Variants in RNF212B observed in about 807,000 individuals in gnomAD.
The protein encoded by RNF212B is ring finger protein 212B.
A neutral mutation model predicts 55.5 loss-of-function variants in RNF212B; 52 were observed. That is an observed-to-expected ratio of 0.94 (90% CI 0.75 to 1.18). RNF212B has a LOEUF of 1.18. Ranked by LOEUF, RNF212B falls within the 50% of genes most tolerant of loss-of-function variation. RNF212B has a pLI of 0.00. For synonymous variants in RNF212B, 99 were observed against 121.4 expected, an observed-to-expected ratio of 0.82 and a Z score of 1.21; for missense variants, 289 against 350.4, an observed-to-expected ratio of 0.82 and a Z score of 1.40.
intron 2 of RNF212B, among the ~76,000 whole-genome samples, chr14:23,203,723 C>G (rs1879556965): frequency 6.6e-6 from 1 of 152,086 alleles, no homozygotes; most frequent in South Asian, 2.1e-4. Context: ...TGTGATCCAC[C>G]TGCCTTGGCC....
chr14:23,260,353 T>C (rs1291881933), intron 6 of RNF212B, among the ~76,000 whole-genome samples: 1 of 152,268 alleles, frequency 6.6e-6, no homozygotes, highest in Non-Finnish European at 1.5e-5. Flanking sequence ...CTATTGATCC[T>C]ACTCCTGTAA....
intron 2 of RNF212B, chr14:23,229,973 C>A: frequency 4.9e-6 from 1 of 203,986 alleles, no homozygotes; most frequent in Admixed American, 4.4e-5. Flanking sequence ...ATAGATCCAG[C>A]TTGAATCTTC....
chr14:23,261,817 T>C (rs112211676), intron 7 of RNF212B, among the ~76,000 whole-genome samples: 5,476 of 151,824 alleles, frequency 0.036, 302 homozygotes, highest in African/African-American at 0.12. Context: ...AAAACAAAAT[T>C]AGCCGGGCGT....
rs747903650 is a variant in RNF212B, at chr14:23,270,593, C to T, written c.773-7C>T. Reference sequence around the variant, plus strand: ...GTTATCTTTCACTGTTCCATTCTATCCTTCAGCTCAGAGGGAGAGCACAAC... The same window carrying T: ...GTTATCTTTCACTGTTCCATTCTATTCTTCAGCTCAGAGGGAGAGCACAAC... On this transcript the variant is annotated splice_region_variant and splice_polypyrimidine_tract_variant and intron_variant, in intron 13 of 14. Coordinates refer to ENST00000430154, the MANE Select transcript of RNF212B (RefSeq NM_001282322.3). 1 of 1,547,682 alleles carries T rather than the reference C, an allele frequency of 6.5e-7. No individual in the cohort carries two copies. The highest frequency in any genetic ancestry group is 1.2e-5 in the South Asian group (1 of 83,988).
At chr14:23,239,617 T>A (rs1883407997) in intron 1 of RNF212B, among the ~76,000 whole-genome samples, 1 of 152,028 alleles carries the variant, frequency 6.6e-6, no homozygotes, top group Admixed American at 6.6e-5. Context: ...TCTTTTTTCT[T>A]TTTCTTTTTC....
At position 23,260,674 on chromosome 14, in the gene RNF212B, T is replaced by C; in HGVS notation, c.421T>C (p.Tyr141His). 1 of 1,550,492 alleles carries C rather than the reference T, an allele frequency of 6.4e-7. No homozygotes were observed. The highest frequency in any genetic ancestry group is 2.0e-5 in the Admixed American group (1 of 50,992). Residue 141 changes from tyrosine to histidine, a missense_variant, in exon 7 of 15, where the codon TAC becomes CAC. Coordinates refer to ENST00000430154, the MANE Select transcript of RNF212B (RefSeq NM_001282322.3). Reference sequence around the variant, plus strand: ...TCACCTATAGGAATCTCCAAGTCGGTACCAAGGAAGCAGGTCAGTTTTATC... The same window carrying C: ...TCACCTATAGGAATCTCCAAGTCGGCACCAAGGAAGCAGGTCAGTTTTATC... ...LAILKESPSR[Y>H]QGSRSITPRP...
At chr14:23,232,747 G>A (rs1180533360) in intron 2 of RNF212B, among the ~76,000 whole-genome samples, 1 of 144,920 alleles carries the variant, frequency 6.9e-6, no homozygotes, top group Non-Finnish European at 1.5e-5. Flanking sequence ...GGGGGGGTCA[G>A]CCCCCACCCG....
chr14:23,218,641 GA>G (rs1881303164), intron 2 of RNF212B, among the ~76,000 whole-genome samples: 2 of 151,900 alleles, frequency 1.3e-5, no homozygotes, highest in Admixed American at 1.3e-4. Context: ...GGAGACGAAA[GA>G]AAATAAAAAA....
At chr14:23,223,323 C>T (rs1178335707) in intron 2 of RNF212B, among the ~76,000 whole-genome samples, 1 of 151,568 alleles carries the variant, frequency 6.6e-6, no homozygotes, top group Non-Finnish European at 1.5e-5. Context: ...AGACCCACAG[C>T]TAATATTACA....
At chr14:23,236,690 A>G (rs922921492), upstream of RNF212B, among the ~76,000 whole-genome samples, 1 of 152,076 alleles carries the variant, frequency 6.6e-6, no homozygotes, top group African/African-American at 2.4e-5. Flanking sequence ...GGTAGATGCA[A>G]TTTACATAAA....
rs371764419 is a variant in RNF212B, at chr14:23,231,731, A to G, written c.-1-8614A>G. Among the ~76,000 whole-genome samples the G allele has an allele frequency of 4.8e-5, 7 of 147,114 alleles. No homozygotes were observed. In the East Asian group the frequency reaches 1.6e-3, roughly 33 times the overall value. On this transcript the variant is annotated intron_variant, in intron 2 of 15. Transcript: ENST00000399910. ...ACTGCTGCCATCTCGGCTCACTGCAACCTCCCTGCCTGATTCTCCTGCCTC... is the reference window on the plus strand; with the variant it reads ...ACTGCTGCCATCTCGGCTCACTGCAGCCTCCCTGCCTGATTCTCCTGCCTC...
At chr14:23,187,509 C>T (rs1235839084) in intron 1 of RNF212B, among the ~76,000 whole-genome samples, 6 of 152,120 alleles carry the variant, frequency 3.9e-5, no homozygotes, top group South Asian at 2.1e-4. Flanking sequence ...CCACCACACC[C>T]GGGTTAATAT....
chr14:23,264,094 A>C (rs1020980267), intron 9 of RNF212B, 80 bp from the exon 10 acceptor site: 32 of 1,241,096 alleles, frequency 2.6e-5, no homozygotes, highest in East Asian at 2.6e-5. Flanking sequence ...TCTGAAAAAA[A>C]CCAAAACAAA....
intron 2 of RNF212B, among the ~76,000 whole-genome samples, chr14:23,242,081 C>CAAAAAAAAAAAAAAAAA (rs58497672): frequency 7.4e-4 from 27 of 36,614 alleles, no homozygotes; most frequent in South Asian, 1.2e-3. Context: ...GACTCCGTCT[C>CAAAAAAAAAAAAAAAAA]AAAAAAAAAA....
intron 2 of RNF212B, among the ~76,000 whole-genome samples, chr14:23,214,947 A>G (rs1426476105): frequency 6.6e-6 from 1 of 152,240 alleles, no homozygotes; most frequent in East Asian, 1.9e-4. Flanking sequence ...AATAATTTTC[A>G]GAAAAAAATA....
At chr14:23,192,347 C>T (rs12895345) in intron 1 of RNF212B, among the ~76,000 whole-genome samples, 108,935 of 151,996 alleles carry the variant, frequency 0.72, 39,390 homozygotes, top group African/African-American at 0.8. Context: ...CAAGGAATAC[C>T]ATGCAGCCAT....
chr14:23,192,337 C>A (rs1878192166), intron 1 of RNF212B, among the ~76,000 whole-genome samples: 1 of 152,120 alleles, frequency 6.6e-6, no homozygotes, highest in Admixed American at 6.5e-5. Flanking sequence ...ACATATACAC[C>A]AAGGAATACC....
At chr14:23,221,233 G>GAA (rs71119004) in intron 2 of RNF212B, among the ~76,000 whole-genome samples, 40 of 116,122 alleles carry the variant, frequency 3.4e-4, no homozygotes, top group Non-Finnish European at 4.0e-4. Flanking sequence ...CTGAAAATAG[G>GAA]AAAAAAAAAA....
intron 9 of RNF212B, 40 bp from the exon 10 acceptor site, chr14:23,264,134 G>A (rs1223238790): frequency 6.8e-7 from 1 of 1,473,534 alleles, no homozygotes; most frequent in East Asian, 2.5e-5. Context: ...GTAAAACTAG[G>A]TTTTTTGCCT....
Sources: allele counts gnomAD v4.1 joint callset (sites outside exome capture counted in the v4.1 genomes callset), GRCh38; gene constraint gnomAD v4.1.1; transcripts MANE v1.5; gene names NCBI Gene and HGNC (gene_info 2026-07-23, HGNC 2026-07-21).